The following GRM3 variants were observed in gnomAD, a reference collection of about 807,000 sequenced individuals.
GRM3 encodes metabotropic glutamate receptor 3.
GRM3 carries 26 observed loss-of-function variants against 70.5 expected under a neutral mutation model. The ratio of observed to expected loss-of-function variants is 0.37; its 90% CI spans 0.27 to 0.51. The LOEUF (loss-of-function observed/expected upper bound fraction) is 0.51. GRM3 is among the 20% of genes least tolerant of loss of function. The probability of loss-of-function intolerance (pLI) is 0.93; values close to 1 mark genes in which losing one functional copy is unlikely to be tolerated. For missense variants in GRM3, 859 were observed against 1,123.8 expected, an observed-to-expected ratio of 0.76 and a Z score of 3.37; for synonymous variants, 443 against 434.9, an observed-to-expected ratio of 1.02 and a Z score of -0.23.
At position 86,831,793 on chromosome 7, in the gene GRM3, TAAAAA is replaced by T. The variant is rs35888996; in HGVS notation, c.1325-7029_1325-7025del. On this transcript the variant is annotated intron_variant, in intron 3 of 5. Transcript: ENST00000361669. ...TCCTCTTCAAAAGTCATAGCACCGTTAAAAAAAAAAAAAAAAAAAAAGCTATTTTA... is the reference window on the plus strand; with the variant it reads ...TCCTCTTCAAAAGTCATAGCACCGTTAAAAAAAAAAAAAAAAGCTATTTTA... 1.9e-3 allele frequency among the ~76,000 whole-genome samples: 214 copies of T among 113,968 alleles called. 1 individual carries two copies. The highest frequency in any genetic ancestry group is 0.012 in the Admixed American group (126 of 10,812). The allele number at this position is 113,968 out of a possible 152,430, so 74.8% of individuals were successfully genotyped here. A position where few individuals can be genotyped will look rare whatever the true frequency, so the allele number is the denominator to read the frequency against.
chr7:86,645,904 A>G (rs1029521692), intron 1 of GRM3, among the ~76,000 whole-genome samples: 11 of 149,022 alleles, frequency 7.4e-5, no homozygotes, highest in African/African-American at 2.7e-4. Flanking sequence ...GTTAAGTACC[A>G]ACAATAGTTC....
intron 1 of GRM3, among the ~76,000 whole-genome samples, chr7:86,654,503 A>G (rs190314676): frequency 6.6e-6 from 1 of 152,282 alleles, no homozygotes; most frequent in Non-Finnish European, 1.5e-5. Flanking sequence ...CTCACACAGC[A>G]GTCTCTACGT....
At chr7:86,864,148 A>G in intron 5 of GRM3, 134 bp from the exon 6 acceptor site, 2 of 645,674 alleles carry the variant, frequency 3.1e-6, no homozygotes, top group Non-Finnish European at 2.9e-6. Flanking sequence ...CTGAACTCCA[A>G]TTTGTAGTCT....
chr7:86,855,919 A>G (rs569951091), intron 5 of GRM3, among the ~76,000 whole-genome samples: 4 of 152,172 alleles, frequency 2.6e-5, no homozygotes, highest in Middle Eastern at 3.4e-3. Flanking sequence ...AGCTCAGGGA[A>G]CCCCACATGA....
intron 3 of GRM3, among the ~76,000 whole-genome samples, chr7:86,805,941 C>A (rs1160766767): frequency 6.7e-6 from 1 of 150,278 alleles, no homozygotes; most frequent in Non-Finnish European, 1.5e-5. Flanking sequence ...ATGTTCCCCA[C>A]CCTGTGTCCA....
At chr7:86,645,251 G>A (rs1207100751) in intron 1 of GRM3, among the ~76,000 whole-genome samples, 1 of 152,172 alleles carries the variant, frequency 6.6e-6, no homozygotes, top group African/African-American at 2.4e-5. Flanking sequence ...AAGGCTTTGT[G>A]CACAGGAATC....
At chr7:86,691,131 T>C (rs1227601177) in intron 1 of GRM3, among the ~76,000 whole-genome samples, 1 of 152,164 alleles carries the variant, frequency 6.6e-6, no homozygotes, top group East Asian at 1.9e-4. Context: ...TTACATTCCC[T>C]AGTCATTCAT....
At chr7:86,657,534 G>C (rs1156247148) in intron 1 of GRM3, among the ~76,000 whole-genome samples, 2 of 152,204 alleles carry the variant, frequency 1.3e-5, no homozygotes, top group Non-Finnish European at 2.9e-5. Context: ...CTTAGTTTAA[G>C]GTTAGAGTGT....
chr7:86,691,927 G>A (rs1231077534), intron 1 of GRM3, among the ~76,000 whole-genome samples: 1 of 152,174 alleles, frequency 6.6e-6, no homozygotes, highest in African/African-American at 2.4e-5. Context: ...GATGCTAAGA[G>A]ACAAACTGAT....
chr7:86,729,298 A>C (rs941083515), intron 1 of GRM3, among the ~76,000 whole-genome samples: 15 of 152,178 alleles, frequency 9.9e-5, no homozygotes, highest in Admixed American at 9.8e-4. Context: ...CTGCTTGAGG[A>C]TGTTGGAAGG....
At chr7:86,683,109 C>T (rs1794481202) in intron 1 of GRM3, among the ~76,000 whole-genome samples, 1 of 151,990 alleles carries the variant, frequency 6.6e-6, no homozygotes, top group African/African-American at 2.4e-5. Flanking sequence ...TCTAGATGAG[C>T]CATGGTAGGT....
chr7:86,793,016 C>CTTTTTT (rs140134217), intron 3 of GRM3, among the ~76,000 whole-genome samples: 6 of 94,360 alleles, frequency 6.4e-5, no homozygotes, highest in East Asian at 3.0e-4. Context: ...GGTTGGTTGC[C>CTTTTTT]TTTTTTTTTT....
intron 1 of GRM3, among the ~76,000 whole-genome samples, chr7:86,664,122 A>T (rs1253757074): frequency 6.6e-6 from 1 of 152,020 alleles, no homozygotes. Flanking sequence ...TACTTAAAGT[A>T]GAAATAAGAG....
intron 2 of GRM3, among the ~76,000 whole-genome samples, chr7:86,777,473 A>G (rs906202765): frequency 6.6e-6 from 1 of 152,166 alleles, no homozygotes; most frequent in Admixed American, 6.5e-5. Context: ...GTGATAACCA[A>G]TATGGATCTT....
At chr7:86,812,064 A>C (rs144971819) in intron 3 of GRM3, among the ~76,000 whole-genome samples, 2,205 of 151,828 alleles carry the variant, frequency 0.015, 29 homozygotes, top group Non-Finnish European at 0.02. Flanking sequence ...GAACCAAATG[A>C]GGGTATGAGC....
chr7:86,782,605 C>A (rs1797101853), intron 2 of GRM3, among the ~76,000 whole-genome samples: 1 of 152,176 alleles, frequency 6.6e-6, no homozygotes, highest in Non-Finnish European at 1.5e-5. Flanking sequence ...GCTTTAGCGT[C>A]CCTTATTTTT....
intron 1 of GRM3, among the ~76,000 whole-genome samples, chr7:86,740,694 C>A (rs1421640800): frequency 6.6e-6 from 1 of 152,092 alleles, no homozygotes. Flanking sequence ...TGAATCAAGA[C>A]CCTCTTAAAA....
intron 2 of GRM3, among the ~76,000 whole-genome samples, chr7:86,782,102 C>A (rs913228317): frequency 1.1e-4 from 17 of 152,262 alleles, no homozygotes; most frequent in African/African-American, 4.1e-4. Context: ...AAACTTTGTT[C>A]TAGAAGATTA....
intron 2 of GRM3, among the ~76,000 whole-genome samples, chr7:86,772,276 C>G (rs723631): frequency 0.35 from 53,510 of 151,908 alleles, 10,519 homozygotes; most frequent in African/African-American, 0.55. Flanking sequence ...CCAGAAGGCT[C>G]AAAATCTTTA....
Sources: allele counts gnomAD v4.1 joint callset (sites outside exome capture counted in the v4.1 genomes callset), GRCh38; gene constraint gnomAD v4.1.1; transcripts MANE v1.5; gene names NCBI Gene and HGNC (gene_info 2026-07-23, HGNC 2026-07-21).